The following CD163L1 variants were observed in gnomAD, a reference collection of about 807,000 sequenced individuals.
The protein encoded by CD163L1 is scavenger receptor cysteine-rich type 1 protein M160.
CD163L1 carries 124 observed loss-of-function variants against 165.4 expected under a neutral mutation model. The ratio of observed to expected loss-of-function variants is 0.75; its 90% confidence interval spans 0.65 to 0.87. The LOEUF is 0.87. CD163L1 is among the 40% of genes least tolerant of loss of function. The pLI, the probability that CD163L1 is intolerant of heterozygous loss-of-function variation, is 0.00. For missense variants in CD163L1, 1,525 were observed against 1,799.9 expected (o/e 0.85, Z 2.76); for synonymous variants, 585 against 662.2 (o/e 0.88, Z 1.79).
the CD163L1 span, chr12:7,320,708 C>A: frequency 6.2e-7 from 1 of 1,603,428 alleles, no homozygotes; most frequent in Non-Finnish European, 8.5e-7. Context: ...ACATCTGTGT[C>A]TTTCTCCATC....
intron 4 of CD163L1, among the ~76,000 whole-genome samples, chr12:7,427,893 T>A (rs1201436840): frequency 6.6e-6 from 1 of 152,154 alleles, no homozygotes; most frequent in Non-Finnish European, 1.5e-5. Context: ...ATCAAACACA[T>A]TATACAATTA....
At chr12:7,362,631 AAT>A (rs930507004) in intron 18 of CD163L1, among the ~76,000 whole-genome samples, 3 of 145,318 alleles carry the variant, frequency 2.1e-5, no homozygotes, top group South Asian at 2.1e-4. Context: ...TATAAATATA[AAT>A]ATATATAATA....
rs139802376 is a variant in CD163L1, at chr12:7,443,973, A to G, written c.31+124T>C. ...TCCACAAAACTTTCAATTTTTTTATATTTCTCATGTCCTGTTTTCTTTTTA... is the reference window on the plus strand; with the variant it reads ...TCCACAAAACTTTCAATTTTTTTATGTTTCTCATGTCCTGTTTTCTTTTTA... On this transcript the variant is annotated intron_variant, in intron 1 of 19. Transcript: ENST00000313599. 81 of 901,628 alleles carry G rather than the reference A, an allele frequency of 9.0e-5. No homozygotes were observed. The East Asian group carries it at 2.2e-3, about 24-fold the overall frequency. 55.9% of individuals were successfully genotyped at this position (901,628 alleles called of 1,614,324 possible).
chr12:7,403,729 A>G lies in CD163L1; in HGVS notation c.1214T>C (p.Val405Ala), dbSNP rs1947958697. 6.2e-7 allele frequency: 1 copy of G among 1,613,954 alleles called. No individual in the cohort carries two copies. Among genetic ancestry groups the G allele is most frequent in the African/African-American group, 1.3e-5 (1 of 74,918 alleles). Reference protein sequence around the residue: ...DQNWKNEQALVVCKQLGCPFS... With the variant: ...DQNWKNEQALAVCKQLGCPFS... The stretch of plus-strand genomic sequence containing the variant: ...CGGACATCCTAGCTGCTTACAAACC[A>G]CAAGGGCTTGTTCATTCTTCCAGTT... Residue 405 changes from valine to alanine, a missense_variant, in exon 6 of 20, where the codon GTG becomes GCG. Coordinates refer to ENST00000313599, the MANE Select transcript of CD163L1 (RefSeq NM_174941.6).
At chr12:7,360,757 A>G (rs12314587) in intron 18 of CD163L1, among the ~76,000 whole-genome samples, 17 of 152,170 alleles carry the variant, frequency 1.1e-4, no homozygotes, top group African/African-American at 4.1e-4. Context: ...CAGTCTTTGT[A>G]TGATAATCCA....
chr12:7,376,114 A>G, intron 9 of CD163L1, 100 bp from the exon 10 acceptor site: 1 of 1,030,898 alleles, frequency 9.7e-7, no homozygotes, highest in Non-Finnish European at 1.4e-6. Context: ...TTCTCCATTC[A>G]TCATTAGAAC....
intron 6 of CD163L1, 140 bp downstream of exon 6, chr12:7,403,395 G>A: frequency 1.3e-6 from 1 of 776,892 alleles, no homozygotes; most frequent in Non-Finnish European, 2.0e-6. Context: ...CATTTGAAAA[G>A]TTCTTTGTGC....
At chr12:7,327,583 G>T in the CD163L1 span, among the ~76,000 whole-genome samples, 1 of 152,148 alleles carries the variant, frequency 6.6e-6, no homozygotes. Context: ...ACAATACTAC[G>T]TAAATACATG....
chr12:7,320,285 G>T, the CD163L1 span, among the ~76,000 whole-genome samples: 1 of 152,134 alleles, frequency 6.6e-6, no homozygotes, highest in African/African-American at 2.4e-5. Flanking sequence ...TCAACTTACT[G>T]AAAAAGACTA....
Position 7,347,575 on chromosome 12 carries a change from C to T in CD163L1, c.*25-428G>A, listed in dbSNP as rs1038669915. On this transcript the variant is annotated intron_variant, in intron 4 of 4. Coordinates refer to the CD163L1 transcript ENST00000539726. The surrounding 1 kb of genome is among the most constrained non-coding windows in gnomAD (Gnocchi z 4.2). The stretch of plus-strand genomic sequence containing the variant: ...CAGGTGGATCACGAGGTCAGGAGAT[C>T]GAGACCACGTTGAAACCCCGTCTCT... Among the ~76,000 whole-genome samples, 11 of 151,882 alleles carry T rather than the reference C, an allele frequency of 7.2e-5. No homozygotes were observed. Among genetic ancestry groups the T allele is most frequent in the Non-Finnish European group, 1.2e-4 (8 of 67,958 alleles).
chr12:7,393,526 C>T (rs779592380), intron 8 of CD163L1, among the ~76,000 whole-genome samples: 3 of 152,238 alleles, frequency 2.0e-5, no homozygotes, highest in African/African-American at 7.2e-5. Flanking sequence ...ACAAGAATGC[C>T]CTCTCTTACC....
intron 14 of CD163L1, among the ~76,000 whole-genome samples, chr12:7,370,375 A>C (rs1304682843): frequency 6.6e-6 from 1 of 152,118 alleles, no homozygotes; most frequent in Non-Finnish European, 1.5e-5. Context: ...TATCATTTTT[A>C]TGTTTCATTC....
intron 4 of CD163L1, among the ~76,000 whole-genome samples, chr12:7,413,375 G>A (rs571504714): frequency 2.8e-4 from 43 of 152,172 alleles, no homozygotes; most frequent in Middle Eastern, 3.4e-3. Flanking sequence ...TTAGCACAGC[G>A]GAATAATCTG....
At chr12:7,373,227 T>G in intron 14 of CD163L1, 93 bp downstream of exon 14, 1 of 1,039,462 alleles carries the variant, frequency 9.6e-7, no homozygotes, top group Non-Finnish European at 1.4e-6. Context: ...TCAGTGAGTC[T>G]GCCATGTGCT....
chr12:7,411,020 A>G (rs1948130135), intron 4 of CD163L1, among the ~76,000 whole-genome samples: 1 of 151,720 alleles, frequency 6.6e-6, no homozygotes. Flanking sequence ...AAGAGAGAAA[A>G]AAGAAAACAA....
intron 8 of CD163L1, among the ~76,000 whole-genome samples, chr12:7,387,731 C>A (rs1479896604): frequency 7.3e-4 from 111 of 152,130 alleles, no homozygotes; most frequent in Non-Finnish European, 4.4e-5. Context: ...GCCAAATAAA[C>A]CTCTTTTCTT....
In CD163L1 at chr12:7,421,816, A is replaced by G. The variant is rs186259290; in HGVS notation, c.766+10600T>C. On this transcript the variant is annotated intron_variant, in intron 4 of 19. Coordinates refer to ENST00000313599, the MANE Select transcript of CD163L1 (RefSeq NM_174941.6). ...ACTCAGGAATGGAAAACCAAACACC[A>G]TATGTTCTCACTCATAAGTGGGAGC... 6.3e-4 allele frequency among the ~76,000 whole-genome samples: 95 copies of G among 150,932 alleles called. 1 individual carries two copies. In the East Asian group the frequency reaches 0.014, roughly 23 times the overall value.
intron 4 of CD163L1, among the ~76,000 whole-genome samples, chr12:7,411,612 G>T (rs1948139441): frequency 6.6e-6 from 1 of 152,186 alleles, no homozygotes; most frequent in Admixed American, 6.5e-5. Flanking sequence ...CTTCTGCCAT[G>T]ATTGTAAGGT....
At chr12:7,406,468 G>A (rs1214711281) in intron 5 of CD163L1, 64 bp downstream of exon 5, 3 of 1,505,938 alleles carry the variant, frequency 2.0e-6, no homozygotes, top group Non-Finnish European at 2.7e-6. Flanking sequence ...CTTTTTCAGG[G>A]TTTGGTCCTA....
Sources: allele counts gnomAD v4.1 joint callset (sites outside exome capture counted in the v4.1 genomes callset), GRCh38; gene constraint gnomAD v4.1.1; non-coding constraint Gnocchi (gnomAD v3.1); transcripts MANE v1.5; gene names NCBI Gene and HGNC (gene_info 2026-07-23, HGNC 2026-07-21).